The following NAALADL2 variants were observed in gnomAD, a reference collection of about 807,000 sequenced individuals.
NAALADL2 encodes inactive N-acetylated-alpha-linked acidic dipeptidase-like protein 2.
In NAALADL2, 76 loss-of-function variants were observed where a neutral mutation model predicts 87.2. The observed-to-expected ratio is 0.87, with a 90% CI of 0.72 to 1.05. The LOEUF is 1.05. Ranked by LOEUF, NAALADL2 falls within the 50% of genes least tolerant of loss-of-function variation. The probability of loss-of-function intolerance (pLI) is 0.00; values close to 1 mark genes in which losing one functional copy is unlikely to be tolerated. For missense variants in NAALADL2, 1,089 were observed against 945.8 expected (o/e 1.15, Z -1.99); for synonymous variants, 354 against 331.0 (o/e 1.07, Z -0.75).
intron 9 of NAALADL2, among the ~76,000 whole-genome samples, chr3:175,482,571 ATCT>A (rs1357239288): frequency 2.6e-5 from 4 of 152,066 alleles, no homozygotes; most frequent in African/African-American, 4.8e-5. Flanking sequence ...TTCTCAAAAG[ATCT>A]TCTCATCATG....
chr3:174,516,065 G>A (rs1409529076), intron 1 of NAALADL2, among the ~76,000 whole-genome samples: 5 of 148,364 alleles, frequency 3.4e-5, no homozygotes. Context: ...TCATACTGTT[G>A]TACAACTGCA....
chr3:175,620,953 C>T (rs1285483381), intron 10 of NAALADL2, among the ~76,000 whole-genome samples: 3 of 152,126 alleles, frequency 2.0e-5, no homozygotes, highest in African/African-American at 7.2e-5. Flanking sequence ...GCGGGTAAGT[C>T]TGTGAGGCTG....
At chr3:175,376,842 T>G (rs2148969156) in intron 5 of NAALADL2, among the ~76,000 whole-genome samples, 1 of 152,302 alleles carries the variant, frequency 6.6e-6, no homozygotes, top group Non-Finnish European at 1.5e-5. Flanking sequence ...TGGGGTTGTT[T>G]CTGTTACTAT....
intron 1 of NAALADL2, among the ~76,000 whole-genome samples, chr3:175,002,047 C>T (rs557102701): frequency 2.1e-3 from 324 of 152,240 alleles, no homozygotes; most frequent in African/African-American, 7.6e-3. Context: ...TGTGTGCAGG[C>T]CACATGCACT....
intron 2 of NAALADL2, among the ~76,000 whole-genome samples, chr3:175,149,616 G>A (rs1408802388): frequency 1.3e-5 from 2 of 152,026 alleles, no homozygotes; most frequent in African/African-American, 2.4e-5. Context: ...TATATTTGAG[G>A]ATAATTCATG....
intron 2 of NAALADL2, among the ~76,000 whole-genome samples, chr3:174,587,669 A>C (rs1037459061): frequency 6.6e-6 from 1 of 152,168 alleles, no homozygotes; most frequent in Non-Finnish European, 1.5e-5. Flanking sequence ...TTCTGGATTG[A>C]AAATTCTTTT....
intron 1 of NAALADL2, among the ~76,000 whole-genome samples, chr3:175,013,148 C>A (rs187919651): frequency 0.062 from 4,702 of 75,354 alleles, 658 homozygotes; most frequent in Middle Eastern, 0.13. Context: ...ATATGTAATA[C>A]ATATTTATAT....
chr3:175,383,024 CAT>C (rs1767966103), intron 5 of NAALADL2, among the ~76,000 whole-genome samples: 1 of 151,844 alleles, frequency 6.6e-6, no homozygotes, highest in African/African-American at 2.4e-5. Context: ...CGTTTTGGAT[CAT>C]ATTTTTTCTT....
At chr3:175,765,852 T>C (rs1583160387) in intron 13 of NAALADL2, among the ~76,000 whole-genome samples, 1 of 152,236 alleles carries the variant, frequency 6.6e-6, no homozygotes, top group Non-Finnish European at 1.5e-5. Flanking sequence ...GCCAGATTGG[T>C]CTTATTATTC....
At chr3:175,597,301 G>A (rs12107834) in intron 10 of NAALADL2, among the ~76,000 whole-genome samples, 98,518 of 151,630 alleles carry the variant, frequency 0.65, 33,951 homozygotes, top group East Asian at 0.85. Context: ...TAAAAGTTGA[G>A]GTTTGTTGCT....
At chr3:175,518,459 T>A (rs970621824) in intron 9 of NAALADL2, among the ~76,000 whole-genome samples, 1 of 152,232 alleles carries the variant, frequency 6.6e-6, no homozygotes, top group Non-Finnish European at 1.5e-5. Flanking sequence ...ATACATACTG[T>A]CTTAGTCCAT....
chr3:175,257,715 T>C (rs146053501), intron 4 of NAALADL2, among the ~76,000 whole-genome samples: 136 of 152,154 alleles, frequency 8.9e-4, no homozygotes, highest in Admixed American at 2.4e-3. Context: ...TTTCTGAATA[T>C]GCTATAACAA....
intron 1 of NAALADL2, among the ~76,000 whole-genome samples, chr3:174,967,886 C>T (rs2108592221): frequency 6.6e-6 from 1 of 152,254 alleles, no homozygotes; most frequent in Admixed American, 6.5e-5. Context: ...GGTTGTTATG[C>T]AGCAATACAC....
chr3:175,533,995 T>A (rs985282375), intron 9 of NAALADL2, among the ~76,000 whole-genome samples: 1 of 150,644 alleles, frequency 6.6e-6, no homozygotes, highest in African/African-American at 2.5e-5. Flanking sequence ...TTGCCTCTCA[T>A]GAGCAGTGAA....
chr3:175,035,180 T>A (rs1481466828), intron 1 of NAALADL2, among the ~76,000 whole-genome samples: 1 of 152,182 alleles, frequency 6.6e-6, no homozygotes, highest in African/African-American at 2.4e-5. Flanking sequence ...GCATGACCTA[T>A]GCCTAGGTTG....
At chr3:174,598,036 A>G (rs189718289) in intron 2 of NAALADL2, among the ~76,000 whole-genome samples, 3 of 152,266 alleles carry the variant, frequency 2.0e-5, no homozygotes, top group Admixed American at 1.3e-4. Context: ...TATTCCTCAA[A>G]TTAATCTCCA....
intron 2 of NAALADL2, among the ~76,000 whole-genome samples, chr3:175,219,961 T>C (rs1424014900): frequency 2.0e-5 from 3 of 151,424 alleles, no homozygotes; most frequent in Admixed American, 1.3e-4. Flanking sequence ...AATTTTCTAA[T>C]TGTTTGTTAT....
chr3:175,242,501 A>G (rs1175400509), intron 3 of NAALADL2: 7 of 152,210 alleles, frequency 4.6e-5, no homozygotes, highest in Non-Finnish European at 1.0e-4. Context: ...CTGTCATATT[A>G]GTTTCACAGT....
At chr3:175,062,760 G>T (rs1043576544) in intron 1 of NAALADL2, among the ~76,000 whole-genome samples, 10 of 151,850 alleles carry the variant, frequency 6.6e-5, no homozygotes, top group African/African-American at 2.2e-4. Context: ...AATCTGTTTC[G>T]GTTTGTGTAA....
Sources: gnomAD v4.1 joint callset for allele counts (sites outside exome capture counted in the v4.1 genomes callset) on GRCh38, gnomAD v4.1.1 for gene constraint, MANE v1.5 for transcripts, NCBI Gene and HGNC (gene_info 2026-07-23, HGNC 2026-07-21) for gene names.